JARID2: variants seen among roughly 807,000 people sequenced by gnomAD.
JARID2 encodes protein Jumonji.
JARID2 carries 21 observed loss-of-function variants against 125.6 expected under a neutral mutation model. That is an observed-to-expected ratio of 0.17 (90% CI 0.12 to 0.24). The LOEUF (loss-of-function observed/expected upper bound fraction) is 0.24, where lower values mean the gene tolerates loss of function less well. JARID2 is among the 10% of genes least tolerant of loss of function. JARID2 has a pLI of 1.00. For synonymous variants in JARID2, 736 were observed against 661.6 expected (o/e 1.11, Z -1.73); for missense variants, 1,303 against 1,639.6 (o/e 0.79, Z 3.55).
intron 4 of JARID2, among the ~76,000 whole-genome samples, chr6:15,458,429 C>A (rs986443236): frequency 6.6e-6 from 1 of 152,104 alleles, no homozygotes; most frequent in African/African-American, 2.4e-5. Context: ...GGGAGTTCCT[C>A]GTAAATATCC....
At chr6:15,433,448 G>GTGTGTA (rs1767057736) in intron 3 of JARID2, among the ~76,000 whole-genome samples, 1 of 144,502 alleles carries the variant, frequency 6.9e-6, no homozygotes, top group African/African-American at 2.6e-5. Flanking sequence ...GTGTGTGTGT[G>GTGTGTA]TGTATAATTT....
At chr6:15,461,715 A>G (rs1015841037) in intron 4 of JARID2, among the ~76,000 whole-genome samples, 2 of 152,178 alleles carry the variant, frequency 1.3e-5, no homozygotes, top group African/African-American at 2.4e-5. Context: ...TGAGTCACTC[A>G]GCTTGCTTTT....
At chr6:15,447,763 G>GC (rs978404021) in intron 3 of JARID2, among the ~76,000 whole-genome samples, 49 of 152,220 alleles carry the variant, frequency 3.2e-4, no homozygotes, top group African/African-American at 1.2e-3. Context: ...GAGGGCTGAG[G>GC]CCCCACAGGC....
chr6:15,370,352 T>TAA (rs1293346978), intron 1 of JARID2, among the ~76,000 whole-genome samples: 1 of 86,226 alleles, frequency 1.2e-5, no homozygotes, highest in Non-Finnish European at 2.3e-5. Flanking sequence ...TTTTTTTTTT[T>TAA]AAAGACTTGC....
chr6:15,485,852 T>C (rs1378361647), intron 5 of JARID2, among the ~76,000 whole-genome samples: 1 of 152,162 alleles, frequency 6.6e-6, no homozygotes, highest in East Asian at 1.9e-4. Flanking sequence ...AAAGGGAGTT[T>C]TCAGAAAGGA....
At chr6:15,335,167 T>G (rs939980635) in intron 1 of JARID2, among the ~76,000 whole-genome samples, 18 of 152,146 alleles carry the variant, frequency 1.2e-4, no homozygotes, top group African/African-American at 4.1e-4. Flanking sequence ...TGGCTTGATT[T>G]CGGCTCACTG....
intron 6 of JARID2, among the ~76,000 whole-genome samples, chr6:15,494,952 G>T (rs763340756): frequency 6.6e-6 from 1 of 152,112 alleles, no homozygotes; most frequent in Non-Finnish European, 1.5e-5. Context: ...GGGGAGAAGA[G>T]GGGGCTAGTA....
intron 1 of JARID2, among the ~76,000 whole-genome samples, chr6:15,360,884 C>T (rs1326489265): frequency 6.6e-6 from 1 of 152,184 alleles, no homozygotes; most frequent in African/African-American, 2.4e-5. Flanking sequence ...GCAAGGTCCG[C>T]CAACCTTGAC....
rs1771318291 is a variant in JARID2, at chr6:15,512,321, G to T, written c.3066G>T (p.Gly1022=). The T allele has an allele frequency of 1.9e-6, 3 of 1,614,000 alleles. No homozygotes were observed. ...PGSFVSKVCC[G]YSVSETVHFA... is the part of the protein sequence containing the mutation. ...CCTTTGTGTCCAAAGTGTGCTGTGG[G>T]TACAGCGTGTCTGAAACCGTGCACT... The change falls in exon 14 of 18, where the codon GGG becomes GGT. Residue 1022 remains glycine, a synonymous_variant. Transcript: ENST00000341776.
rs79849132 is a variant in JARID2 at position 15,333,584 on chromosome 6, A to C, written c.46-40533A>C. The stretch of plus-strand genomic sequence containing the variant: ...GGTGGTTAAATACACATAACACCAA[A>C]TTTATCATTTTAACCATTTTTTGTG... On this transcript the variant is annotated intron_variant, in intron 1 of 17. Coordinates refer to ENST00000341776, the MANE Select transcript of JARID2 (RefSeq NM_004973.4). Among the ~76,000 whole-genome samples, 990 of 152,278 alleles carry C rather than the reference A, an allele frequency of 6.5e-3. 17 individuals are homozygous for C. The highest frequency in any genetic ancestry group is 0.023 in the African/African-American group (949 of 41,558).
chr6:15,418,880 C>T (rs1170738817), intron 3 of JARID2, among the ~76,000 whole-genome samples: 2 of 152,122 alleles, frequency 1.3e-5, no homozygotes, highest in African/African-American at 4.8e-5. Flanking sequence ...ATTGTCTGCA[C>T]GACTGTGTTC....
At position 15,511,405 on chromosome 6, in the gene JARID2, C is replaced by G. The variant is rs1053759318; in HGVS notation, c.2952+4C>G. 7 of 1,603,060 alleles carry G rather than the reference C, an allele frequency of 4.4e-6. No individual in the cohort carries two copies. Among genetic ancestry groups the G allele is most frequent in the African/African-American group, 4.0e-5 (3 of 74,820 alleles). ...GATGCTGGAAAGCAACGTCATGGTG[C>G]GTCCACTCAGCCACCGCCTCCAGCA... On this transcript the variant is annotated splice_donor_region_variant and intron_variant, in intron 13 of 17. Coordinates refer to ENST00000341776, the MANE Select transcript of JARID2 (RefSeq NM_004973.4).
intron 3 of JARID2, among the ~76,000 whole-genome samples, chr6:15,436,867 G>C (rs1445864835): frequency 1.3e-5 from 2 of 151,704 alleles, no homozygotes; most frequent in Non-Finnish European, 2.9e-5. Context: ...CAGTTATAAT[G>C]AGTTCAGTTC....
At position 15,417,508 on chromosome 6, in the gene JARID2, C is replaced by T. The variant is rs550873759; in HGVS notation, c.323+7143C>T. ...ACCCCAGCACTTTGGGAGGCTGAGG[C>T]CGGCCGGCCACTTGAATCCAGGAGT... On this transcript the variant is annotated intron_variant, in intron 3 of 17. Transcript: ENST00000341776. Among the ~76,000 whole-genome samples, 4 of 152,274 alleles carry T rather than the reference C, an allele frequency of 2.6e-5. No homozygotes were observed. The South Asian group carries it at 8.3e-4, about 32-fold the overall frequency.
chr6:15,349,604 G>A (rs1393276402), intron 1 of JARID2, among the ~76,000 whole-genome samples: 3 of 152,082 alleles, frequency 2.0e-5, no homozygotes, highest in Non-Finnish European at 2.9e-5. Flanking sequence ...GACTCATCAC[G>A]CGTGAGGAGC....
intron 1 of JARID2, among the ~76,000 whole-genome samples, chr6:15,335,106 CCTT>C (rs976810637): frequency 2.6e-5 from 4 of 151,336 alleles, no homozygotes; most frequent in Non-Finnish European, 2.9e-5. Flanking sequence ...CTTTTTTCCT[CCTT>C]CTTCTTTCCA....
intron 9 of JARID2, among the ~76,000 whole-genome samples, chr6:15,506,441 T>G (rs1771010165): frequency 6.6e-6 from 1 of 152,188 alleles, no homozygotes; most frequent in Non-Finnish European, 1.5e-5. Flanking sequence ...CTAGTAGCGC[T>G]TTGTGGAGCT....
chr6:15,359,647 G>C (rs1359692552), intron 1 of JARID2, among the ~76,000 whole-genome samples: 1 of 151,994 alleles, frequency 6.6e-6, no homozygotes, highest in East Asian at 1.9e-4. Flanking sequence ...GAGGTGGGTA[G>C]GGTTGATTAT....
At chr6:15,402,052 G>T (rs1765459956) in intron 2 of JARID2, among the ~76,000 whole-genome samples, 1 of 152,134 alleles carries the variant, frequency 6.6e-6, no homozygotes, top group African/African-American at 2.4e-5. Context: ...ATGCTACAAA[G>T]AAAACAGAAC....
Sources: allele counts gnomAD v4.1 joint callset (sites outside exome capture counted in the v4.1 genomes callset), GRCh38; gene constraint gnomAD v4.1.1; transcripts MANE v1.5; gene names NCBI Gene and HGNC (gene_info 2026-07-23, HGNC 2026-07-21).